The following TOM1L2 variants were observed in gnomAD, a reference collection of about 807,000 sequenced individuals.
TOM1L2 encodes TOM1-like protein 2.
TOM1L2 carries 31 observed loss-of-function variants against 67.9 expected under a neutral mutation model. The observed-to-expected ratio is 0.46, with a 90% CI of 0.34 to 0.62. The LOEUF (loss-of-function observed/expected upper bound fraction) is 0.62. Ranked by LOEUF, TOM1L2 falls within the 20% of genes least tolerant of loss-of-function variation. The probability of loss-of-function intolerance (pLI) is 0.01; values close to 1 mark genes in which losing one functional copy is unlikely to be tolerated. For synonymous variants in TOM1L2, 256 were observed against 254.0 expected (o/e 1.01, Z -0.07); for missense variants, 606 against 663.5 (o/e 0.91, Z 0.95).
chr17:17,869,801 G>A (rs1297759462), intron 7 of TOM1L2: 5 of 507,208 alleles, frequency 9.9e-6, no homozygotes, highest in Admixed American at 5.1e-5. Flanking sequence ...TCCAGACACC[G>A]TTCTCCATCA....
intron 3 of TOM1L2, among the ~76,000 whole-genome samples, chr17:17,895,856 G>T (rs1395135537): frequency 1.3e-5 from 2 of 152,188 alleles, no homozygotes; most frequent in East Asian, 1.9e-4. Context: ...AGGAAGCTGA[G>T]GATCAGAGGT....
At chr17:17,856,121 G>A (rs773831819) in intron 12 of TOM1L2, among the ~76,000 whole-genome samples, 27 of 152,248 alleles carry the variant, frequency 1.8e-4, no homozygotes, top group Non-Finnish European at 3.4e-4. Flanking sequence ...CAGCTGCCAA[G>A]GCCACCCTCA....
intron 1 of TOM1L2, among the ~76,000 whole-genome samples, chr17:17,954,543 C>T (rs1202514726): frequency 2.0e-5 from 3 of 152,258 alleles, no homozygotes; most frequent in African/African-American, 7.2e-5. Context: ...GAACTACTGA[C>T]CTCAGATGAC....
chr17:17,897,895 G>C (rs143625645), intron 3 of TOM1L2, among the ~76,000 whole-genome samples: 29 of 152,078 alleles, frequency 1.9e-4, no homozygotes, highest in Non-Finnish European at 3.8e-4. Context: ...CCCAGGCAGG[G>C]GCAGGTACTC....
chr17:17,847,735 G>C lies in TOM1L2; in HGVS notation c.1424C>G (p.Pro475Arg), dbSNP rs766199692. ...EERAKAAEMV[P>R]DLPSPPMEAP... The stretch of plus-strand genomic sequence containing the variant: ...CTCCATGGGGGGCGAGGGGAGGTCG[G>C]GAACCATTTCAGCAGCTTTGGCTCT... Residue 475 changes from proline (P) to arginine (R), a missense_variant, in exon 15 of 15, where the codon CCC (proline) becomes CGC (arginine). This residue lies in a region of TOM1L2 where 543 missense variants were observed against 554.0 expected (regional missense o/e 0.98). Transcript: ENST00000379504. The C allele has an allele frequency of 6.2e-7, 1 of 1,614,064 alleles. No individual in the cohort carries two copies. The highest frequency in any genetic ancestry group is 8.5e-7 in the Non-Finnish European group (1 of 1,180,004).
chr17:17,853,851 A>T (rs1362595853), intron 12 of TOM1L2, among the ~76,000 whole-genome samples: 1 of 152,226 alleles, frequency 6.6e-6, no homozygotes, highest in Non-Finnish European at 1.5e-5. Context: ...GGCCTGAGCA[A>T]TGCTTGGCCT....
At chr17:17,894,934 A>AACATACATACAT (rs200969782) in intron 3 of TOM1L2, among the ~76,000 whole-genome samples, 21 of 143,804 alleles carry the variant, frequency 1.5e-4, no homozygotes, top group Admixed American at 9.7e-4. Flanking sequence ...CTGTCTCAAA[A>AACATACATACAT]ACATACATAC....
At chr17:17,894,951 A>G (rs1006147614) in intron 3 of TOM1L2, among the ~76,000 whole-genome samples, 4 of 143,712 alleles carry the variant, frequency 2.8e-5, no homozygotes, top group Non-Finnish European at 4.7e-5. Flanking sequence ...ATACATACAT[A>G]CATACATACA....
At chr17:17,909,687 T>C (rs1280400716) in intron 1 of TOM1L2, among the ~76,000 whole-genome samples, 1 of 152,164 alleles carries the variant, frequency 6.6e-6, no homozygotes, top group Non-Finnish European at 1.5e-5. Context: ...TTGTTGATGG[T>C]TGCACACAAT....
At chr17:17,849,840 T>C (rs527385920) in intron 13 of TOM1L2, among the ~76,000 whole-genome samples, 1 of 152,330 alleles carries the variant, frequency 6.6e-6, no homozygotes, top group Admixed American at 6.5e-5. Flanking sequence ...AGCAATTTCT[T>C]TTCGAGACAG....
chr17:17,898,700 G>C (rs1414553237), intron 2 of TOM1L2, 26 bp from the exon 3 acceptor site: 1 of 1,613,198 alleles, frequency 6.2e-7, no homozygotes, highest in South Asian at 1.1e-5. Context: ...GACATATAAA[G>C]ATACTTACAA....
intron 1 of TOM1L2, among the ~76,000 whole-genome samples, chr17:17,937,975 G>C (rs8078368): frequency 6.6e-6 from 1 of 152,132 alleles, no homozygotes; most frequent in African/African-American, 2.4e-5. Flanking sequence ...TCACAGAAAG[G>C]TCTCCACTGA....
chr17:17,879,961 G>A (rs1210011535), intron 6 of TOM1L2, among the ~76,000 whole-genome samples: 3 of 152,176 alleles, frequency 2.0e-5, no homozygotes, highest in Non-Finnish European at 4.4e-5. Flanking sequence ...CCAACAGTCT[G>A]TTGTGCCTCT....
At chr17:17,959,184 A>T (rs982936402) in intron 1 of TOM1L2, among the ~76,000 whole-genome samples, 1 of 152,206 alleles carries the variant, frequency 6.6e-6, no homozygotes, top group Non-Finnish European at 1.5e-5. Flanking sequence ...CCCAATTTAT[A>T]GCCGGTCATG....
intron 1 of TOM1L2, 120 bp downstream of exon 1, chr17:17,972,142 G>A: frequency 2.4e-6 from 3 of 1,245,618 alleles, no homozygotes; most frequent in Non-Finnish European, 3.3e-6. Context: ...TGGCACCCGC[G>A]GCTGGCGGAG....
At chr17:17,927,124 C>T (rs923303291) in intron 1 of TOM1L2, among the ~76,000 whole-genome samples, 7 of 152,136 alleles carry the variant, frequency 4.6e-5, no homozygotes, top group South Asian at 2.1e-4. Context: ...CCTAGCTTTT[C>T]GGATTTTTAC....
At chr17:17,948,787 AG>A (rs2041060999) in intron 1 of TOM1L2, among the ~76,000 whole-genome samples, 1 of 152,060 alleles carries the variant, frequency 6.6e-6, no homozygotes, top group Non-Finnish European at 1.5e-5. Context: ...AGAGCAAGGC[AG>A]GGGTCCTAGG....
chr17:17,849,477 G>A (rs1395204992), intron 13 of TOM1L2, among the ~76,000 whole-genome samples: 2 of 152,250 alleles, frequency 1.3e-5, no homozygotes, highest in South Asian at 4.1e-4. Context: ...GCCTCCTCCC[G>A]TGGCCCAGAT....
chr17:17,954,202 A>G (rs2041330193), intron 1 of TOM1L2, among the ~76,000 whole-genome samples: 1 of 152,244 alleles, frequency 6.6e-6, no homozygotes, highest in South Asian at 2.1e-4. Flanking sequence ...TGAGCACAGA[A>G]AAGGAGGGAG....
Sources: gnomAD v4.1 joint callset for allele counts (sites outside exome capture counted in the v4.1 genomes callset) on GRCh38, gnomAD v4.1.1 for gene constraint, gnomAD v4.1.1 regional missense constraint, MANE v1.5 for transcripts, NCBI Gene and HGNC (gene_info 2026-07-23, HGNC 2026-07-21) for gene names.